Variants in GLI2 observed in about 807,000 individuals in gnomAD.
GLI2 encodes GLI family zinc finger 2, also known as transcription activator GLI2.
GLI2 carries 22 observed loss-of-function variants against 78.9 expected under a neutral mutation model. That is an observed-to-expected ratio of 0.28 (90% CI 0.20 to 0.40). GLI2 has a LOEUF of 0.40. Ranked by LOEUF, GLI2 falls within the 10% of genes least tolerant of loss-of-function variation. The pLI is 1.00. For synonymous variants in GLI2, 974 were observed against 963.7 expected (o/e 1.01, Z -0.20); for missense variants, 2,097 against 2,213.2 (o/e 0.95, Z 1.05).
At position 120,845,380 on chromosome 2, in the gene GLI2, A is replaced by G. The variant is rs544927458; in HGVS notation, c.148+47912A>G. On this transcript the variant is annotated intron_variant, in intron 2 of 13. Transcript: ENST00000361492. ...TCTTGTGGTTGTTCCAAGGGAAGACATGCTATACAGGGAGGAAACATCCCC... is the reference window on the plus strand; with the variant it reads ...TCTTGTGGTTGTTCCAAGGGAAGACGTGCTATACAGGGAGGAAACATCCCC... 2.6e-5 allele frequency among the ~76,000 whole-genome samples: 4 copies of G among 152,354 alleles called. No individual in the cohort carries two copies. The East Asian group carries it at 5.8e-4, about 22-fold the overall frequency.
chr2:120,862,345 G>A (rs747669585), intron 2 of GLI2, among the ~76,000 whole-genome samples: 1 of 152,156 alleles, frequency 6.6e-6, no homozygotes, highest in Non-Finnish European at 1.5e-5. Context: ...CCACCCCTCC[G>A]CCAGGCTCCT....
chr2:120,820,843 G>T (rs568046698), intron 2 of GLI2, among the ~76,000 whole-genome samples: 1 of 152,144 alleles, frequency 6.6e-6, no homozygotes, highest in Non-Finnish European at 1.5e-5. Flanking sequence ...CATCTTCCAG[G>T]GTTTCTCTAT....
intron 5 of GLI2, among the ~76,000 whole-genome samples, chr2:120,957,883 A>T (rs1228767897): frequency 2.0e-5 from 3 of 152,282 alleles, no homozygotes; most frequent in African/African-American, 4.8e-5. Flanking sequence ...GGCTCCCAGC[A>T]TCTAGCGGCT....
At position 120,921,461 on chromosome 2, in the gene GLI2, G is replaced by T. The variant is rs533541945; in HGVS notation, c.149-5900G>T. The stretch of plus-strand genomic sequence containing the variant: ...AGGAGGTCCCTCCTGAAGCCTTGGG[G>T]TGTCACTGGCTGGAATAAGCGAGGC... On this transcript the variant is annotated intron_variant, in intron 2 of 13. Coordinates refer to ENST00000361492, the MANE Select transcript of GLI2 (RefSeq NM_001374353.1). Among the ~76,000 whole-genome samples the T allele has an allele frequency of 3.0e-4, 45 of 152,252 alleles. 1 individual carries two copies. The highest frequency in any genetic ancestry group is 9.6e-4 in the African/African-American group (40 of 41,556).
chr2:120,807,851 C>A (rs1000125402), intron 2 of GLI2, among the ~76,000 whole-genome samples: 38 of 152,172 alleles, frequency 2.5e-4, no homozygotes, highest in South Asian at 4.1e-4. Context: ...GGACCACCCC[C>A]CCACACACCT....
At chr2:120,944,248 T>G (rs971103501) in intron 3 of GLI2, among the ~76,000 whole-genome samples, 1 of 152,228 alleles carries the variant, frequency 6.6e-6, no homozygotes, top group Admixed American at 6.5e-5. Flanking sequence ...AGGTGTGGCC[T>G]GGGTCTGCTG....
intron 2 of GLI2, among the ~76,000 whole-genome samples, chr2:120,825,083 C>T (rs758600727): frequency 2.6e-5 from 4 of 152,164 alleles, no homozygotes; most frequent in Non-Finnish European, 4.4e-5. Context: ...TGGTCCCCTT[C>T]CCAAAGTGCT....
intron 2 of GLI2, among the ~76,000 whole-genome samples, chr2:120,836,973 G>A (rs1163335269): frequency 1.3e-5 from 2 of 152,118 alleles, no homozygotes; most frequent in Non-Finnish European, 2.9e-5. Context: ...TTTGCATTCT[G>A]CTCTTTTGCA....
chr2:120,949,849 C>G (rs1273436122), intron 3 of GLI2, among the ~76,000 whole-genome samples: 24 of 152,210 alleles, frequency 1.6e-4, no homozygotes, highest in Non-Finnish European at 1.2e-4. Context: ...CTGGTTTGTA[C>G]TGTACTGTAA....
intron 1 of GLI2, among the ~76,000 whole-genome samples, chr2:120,778,614 A>G (rs1683751885): frequency 6.6e-6 from 1 of 152,022 alleles, no homozygotes; most frequent in African/African-American, 2.4e-5. Context: ...AGACGGGGTG[A>G]AGTCACCCTA....
intron 2 of GLI2, among the ~76,000 whole-genome samples, chr2:120,847,548 C>T (rs1268179101): frequency 6.6e-6 from 1 of 151,550 alleles, no homozygotes; most frequent in South Asian, 2.1e-4. Context: ...GAGTTTCCAG[C>T]GATGGAAGGA....
At chr2:120,880,219 C>T (rs1253786370) in intron 2 of GLI2, among the ~76,000 whole-genome samples, 3 of 152,074 alleles carry the variant, frequency 2.0e-5, no homozygotes, top group African/African-American at 7.2e-5. Flanking sequence ...GCTGAGTGGT[C>T]GCCAGCTTAG....
At chr2:120,767,347 G>A (rs1262213401) in intron 1 of GLI2, among the ~76,000 whole-genome samples, 1 of 151,808 alleles carries the variant, frequency 6.6e-6, no homozygotes, top group African/African-American at 2.4e-5. Flanking sequence ...GCTGGTGGCC[G>A]GAGTCTGGCG....
intron 2 of GLI2, among the ~76,000 whole-genome samples, chr2:120,910,811 G>T (rs1461823787): frequency 6.6e-6 from 1 of 152,212 alleles, no homozygotes; most frequent in Admixed American, 6.5e-5. Context: ...CTCTGACTTC[G>T]CTGGGTACCT....
chr2:120,754,218 T>A (rs2104636554), intron 1 of GLI2, among the ~76,000 whole-genome samples: 1 of 152,348 alleles, frequency 6.6e-6, no homozygotes, highest in South Asian at 2.1e-4. Context: ...ACGAGAGTGC[T>A]TATCTGCCCA....
intron 2 of GLI2, among the ~76,000 whole-genome samples, chr2:120,814,448 G>C (rs531411633): frequency 6.6e-6 from 1 of 152,332 alleles, no homozygotes; most frequent in South Asian, 2.1e-4. Context: ...GCTGTTGTCA[G>C]ATATCAGTGC....
chr2:120,962,681 G>T (rs929095567), intron 5 of GLI2, among the ~76,000 whole-genome samples: 1 of 152,194 alleles, frequency 6.6e-6, no homozygotes, highest in Non-Finnish European at 1.5e-5. Flanking sequence ...GGAAATGAGT[G>T]CCAGGCTTTT....
In GLI2 at chr2:120,988,494, G is replaced by T; in HGVS notation, c.2529G>T (p.Thr843=). The change falls in exon 14 of 14, where the codon ACG becomes ACT. Residue 843 remains threonine, a synonymous_variant. Transcript: ENST00000361492. ...SSADSYDPIS[T]DASRRSSEAS... is the part of the protein sequence containing the mutation. ...CTGACTCCTACGACCCCATCTCCACGGACGCGTCGCGGCGCTCGAGCGAGG... is the reference window on the plus strand; with the variant it reads ...CTGACTCCTACGACCCCATCTCCACTGACGCGTCGCGGCGCTCGAGCGAGG... 6.5e-7 allele frequency: 1 copy of T among 1,543,020 alleles called. No homozygotes were observed. The highest frequency in any genetic ancestry group is 8.7e-7 in the Non-Finnish European group (1 of 1,154,230).
At chr2:120,848,552 G>A (rs1465962112) in intron 2 of GLI2, among the ~76,000 whole-genome samples, 1 of 152,174 alleles carries the variant, frequency 6.6e-6, no homozygotes, top group East Asian at 1.9e-4. Context: ...CCTATTCTTG[G>A]CAACTTTTGC....
Sources: gnomAD v4.1 joint callset for allele counts (sites outside exome capture counted in the v4.1 genomes callset) on GRCh38, gnomAD v4.1.1 for gene constraint, MANE v1.5 for transcripts, NCBI Gene and HGNC (gene_info 2026-07-23, HGNC 2026-07-21) for gene names.